ASIC2: variants seen among roughly 807,000 people sequenced by gnomAD.
ASIC2 encodes acid sensing ion channel subunit 2, also known as acid-sensing ion channel 2.
Under a neutral mutation model 57.3 loss-of-function variants are expected in ASIC2, and 25 were observed. The ratio of observed to expected loss-of-function variants is 0.44; its 90% CI spans 0.32 to 0.61. The LOEUF (loss-of-function observed/expected upper bound fraction) is 0.61, where lower values mean the gene tolerates loss of function less well. Among genes scored for constraint, ASIC2 ranks in the 20% least tolerant of loss-of-function variants. The pLI is 0.06. For synonymous variants in ASIC2, 319 were observed against 307.5 expected (o/e 1.04, Z -0.39); for missense variants, 641 against 738.1 (o/e 0.87, Z 1.52).
chr17:33,304,720 A>G (rs1477748002), intron 1 of ASIC2, among the ~76,000 whole-genome samples: 2 of 152,174 alleles, frequency 1.3e-5, no homozygotes, highest in Non-Finnish European at 2.9e-5. Flanking sequence ...AATGAGTCAC[A>G]TGGTAGATAC....
chr17:33,699,327 C>T (rs1365314949), intron 1 of ASIC2, among the ~76,000 whole-genome samples: 2 of 152,162 alleles, frequency 1.3e-5, no homozygotes, highest in Non-Finnish European at 2.9e-5. Flanking sequence ...CTCCCAGCCA[C>T]ACATGGGGTG....
chr17:33,853,921 G>A (rs1027667462), intron 1 of ASIC2, among the ~76,000 whole-genome samples: 13 of 152,128 alleles, frequency 8.5e-5, no homozygotes, highest in East Asian at 7.7e-4. Context: ...TCAGTTCCTC[G>A]TCTCTAAACT....
intron 1 of ASIC2, among the ~76,000 whole-genome samples, chr17:33,164,649 G>A (rs781318213): frequency 7.9e-5 from 12 of 151,986 alleles, no homozygotes; most frequent in Non-Finnish European, 1.5e-4. Context: ...ACTGTTGCAG[G>A]GGCTTGCTCA....
At chr17:34,088,314 C>A (rs1470929807) in intron 1 of ASIC2, among the ~76,000 whole-genome samples, 1 of 152,178 alleles carries the variant, frequency 6.6e-6, no homozygotes, top group Non-Finnish European at 1.5e-5. Flanking sequence ...CACTCCAGAC[C>A]CTGTTTGCCT....
intron 1 of ASIC2, among the ~76,000 whole-genome samples, chr17:34,099,422 TGAAA>T (rs1325917690): frequency 0.019 from 947 of 50,310 alleles, 11 homozygotes; most frequent in African/African-American, 0.073. Context: ...AAAGAAAGAA[TGAAA>T]GAAAGAAGAA....
intron 1 of ASIC2, chr17:34,038,525 C>A (rs749435900): frequency 6.2e-7 from 1 of 1,611,224 alleles, no homozygotes; most frequent in Non-Finnish European, 8.5e-7. Context: ...TTCACTGAAA[C>A]CTCCTCTACC....
chr17:33,784,473 T>C (rs1175805682), intron 1 of ASIC2, among the ~76,000 whole-genome samples: 4 of 152,200 alleles, frequency 2.6e-5, no homozygotes, highest in Non-Finnish European at 4.4e-5. Flanking sequence ...TAGGCAATGC[T>C]GTTCAATAGA....
intron 1 of ASIC2, among the ~76,000 whole-genome samples, chr17:33,951,801 C>A (rs968295215): frequency 6.6e-6 from 1 of 150,704 alleles, no homozygotes; most frequent in Non-Finnish European, 1.5e-5. Flanking sequence ...ATCATGTTGG[C>A]CAGGCTGGTC....
At chr17:33,092,134 C>T (rs370965358) in intron 2 of ASIC2, among the ~76,000 whole-genome samples, 2 of 152,100 alleles carry the variant, frequency 1.3e-5, no homozygotes, top group Admixed American at 6.5e-5. Flanking sequence ...GGCAGGGTTC[C>T]GAGCAGCAGA....
At chr17:34,094,270 G>C (rs2142090969) in intron 1 of ASIC2, among the ~76,000 whole-genome samples, 1 of 152,176 alleles carries the variant, frequency 6.6e-6, no homozygotes, top group Admixed American at 6.5e-5. Context: ...TGAGACCTTG[G>C]CTAGGTCATT....
intron 1 of ASIC2, among the ~76,000 whole-genome samples, chr17:33,132,771 C>T (rs2092352420): frequency 6.6e-6 from 1 of 152,138 alleles, no homozygotes; most frequent in Admixed American, 6.5e-5. Flanking sequence ...TGGAGTTTCC[C>T]TTTTTGTAGA....
intron 1 of ASIC2, among the ~76,000 whole-genome samples, chr17:33,184,322 T>A (rs955487888): frequency 2.3e-4 from 35 of 152,092 alleles, no homozygotes; most frequent in Non-Finnish European, 2.1e-4. Flanking sequence ...CTGGAACATA[T>A]CAGTCAAGAA....
rs2091994453 is a variant in ASIC2 at position 33,055,501 on chromosome 17, C to G, written c.988-27109G>C. ...TTCTGATGAGCCTCTCATGCCCTGC[C>G]TCTTCCCGAAAGCTTTTCTGACTCG... On this transcript the variant is annotated intron_variant, in intron 3 of 9. Transcript: ENST00000225823. Among the ~76,000 whole-genome samples the G allele has an allele frequency of 2.0e-5, 3 of 152,204 alleles. No homozygotes were observed. In the South Asian group the frequency reaches 6.2e-4, roughly 32 times the overall value.
intron 1 of ASIC2, among the ~76,000 whole-genome samples, chr17:33,523,713 G>C (rs942705417): frequency 6.6e-6 from 1 of 152,176 alleles, no homozygotes; most frequent in South Asian, 2.1e-4. Context: ...AAATAATCTC[G>C]AAGACACCCA....
intron 1 of ASIC2, among the ~76,000 whole-genome samples, chr17:33,544,578 G>A (rs1009924090): frequency 1.3e-5 from 2 of 152,096 alleles, no homozygotes; most frequent in African/African-American, 4.8e-5. Flanking sequence ...TTCTGAGCCG[G>A]GAGGTTGAGA....
At chr17:33,779,612 G>T (rs1232784283) in intron 1 of ASIC2, among the ~76,000 whole-genome samples, 1 of 152,290 alleles carries the variant, frequency 6.6e-6, no homozygotes, top group East Asian at 1.9e-4. Context: ...TGGGCTGGGG[G>T]TTGTGGGGAA....
chr17:33,233,501 C>T lies in ASIC2; in HGVS notation c.708+57907G>A, dbSNP rs531626493. Among the ~76,000 whole-genome samples the T allele has an allele frequency of 6.8e-5, 10 of 148,026 alleles. No individual in the cohort carries two copies. The South Asian group carries it at 8.5e-4, about 13-fold the overall frequency. ...AAAACTGAAATGACACTTGAGGTTA[C>T]GGAATTGGAAATTCACACACACACA... On this transcript the variant is annotated intron_variant, in intron 1 of 9. Transcript: ENST00000225823.
chr17:33,013,224 A>G lies in ASIC2; in HGVS notation c.*741T>C, dbSNP rs2091787126. On this transcript the variant is annotated 3_prime_UTR_variant, in exon 10 of 10. Transcript: ENST00000225823. Reference sequence around the variant, plus strand: ...AGCATAAAATGAAGCAAAACAAAACAAATCTCCATCGGACAAACATAAAAG... The same window carrying G: ...AGCATAAAATGAAGCAAAACAAAACGAATCTCCATCGGACAAACATAAAAG... 6.6e-6 allele frequency: 1 copy of G among 152,366 alleles called. No individual in the cohort carries two copies. Among genetic ancestry groups the G allele is most frequent in the Middle Eastern group, 3.2e-3 (1 of 316 alleles). The allele number at this position is 152,366 out of a possible 1,614,324, so 9.4% of individuals were successfully genotyped here.
chr17:33,326,900 C>A (rs538286756), intron 1 of ASIC2, among the ~76,000 whole-genome samples: 3 of 126,078 alleles, frequency 2.4e-5, no homozygotes, highest in African/African-American at 8.9e-5. Context: ...TCTTCCAGAC[C>A]CATCACAATA....
Sources: gnomAD v4.1 joint callset for allele counts (sites outside exome capture counted in the v4.1 genomes callset) on GRCh38, gnomAD v4.1.1 for gene constraint, MANE v1.5 for transcripts, NCBI Gene and HGNC (gene_info 2026-07-23, HGNC 2026-07-21) for gene names.